Variants in SUPT3H observed in about 807,000 individuals in gnomAD.
SUPT3H encodes the protein transcription initiation protein SPT3 homolog.
Under a neutral mutation model 44.3 loss-of-function variants are expected in SUPT3H, and 44 were observed. That is an observed-to-expected ratio of 0.99 (90% CI 0.78 to 1.28). SUPT3H has a LOEUF of 1.28. SUPT3H is among the 50% of genes most tolerant of loss of function. SUPT3H has a pLI of 0.00. For synonymous variants in SUPT3H, 124 were observed against 125.6 expected (o/e 0.99, Z 0.09); for missense variants, 380 against 387.1 (o/e 0.98, Z 0.15).
chr6:45,250,297 C>T (rs1041273079), intron 2 of SUPT3H, among the ~76,000 whole-genome samples: 10 of 150,926 alleles, frequency 6.6e-5, no homozygotes, highest in African/African-American at 1.9e-4. Flanking sequence ...CAGAATCTTA[C>T]ATCTATGAAA....
At position 45,281,305 on chromosome 6, in the gene SUPT3H, C is replaced by T. The variant is rs1330181739; in HGVS notation, c.101+83896G>A. ...AAGTAGGGCAAGGCATCGCATCACCCGCGAAGCGCAAGGGGTCAGGGAATT... is the reference window on the plus strand; with the variant it reads ...AAGTAGGGCAAGGCATCGCATCACCTGCGAAGCGCAAGGGGTCAGGGAATT... On this transcript the variant is annotated intron_variant, in intron 2 of 10. Coordinates refer to ENST00000371459, the MANE Select transcript of SUPT3H (RefSeq NM_003599.4). Among the ~76,000 whole-genome samples, 3 of 152,210 alleles carry T rather than the reference C, an allele frequency of 2.0e-5. No individual in the cohort carries two copies. The East Asian group carries it at 5.8e-4, about 29-fold the overall frequency.
At chr6:44,921,779 C>A (rs571352531) in intron 10 of SUPT3H, among the ~76,000 whole-genome samples, 1 of 152,302 alleles carries the variant, frequency 6.6e-6, no homozygotes, top group Admixed American at 6.5e-5. Context: ...AAAATCTACA[C>A]AAGTGTTTGA....
intron 2 of SUPT3H, among the ~76,000 whole-genome samples, chr6:45,178,457 T>A (rs3114741): frequency 4.0e-5 from 6 of 151,476 alleles, no homozygotes; most frequent in Non-Finnish European, 5.9e-5. Flanking sequence ...CTCCCACACA[T>A]TAATAATGGG....
chr6:45,156,173 G>T (rs540668737), intron 2 of SUPT3H, among the ~76,000 whole-genome samples: 20 of 152,242 alleles, frequency 1.3e-4, no homozygotes, highest in Admixed American at 6.5e-5. Context: ...AACATTTTAA[G>T]CATGAGCATA....
At chr6:45,275,277 T>C (rs2153663677) in intron 2 of SUPT3H, among the ~76,000 whole-genome samples, 1 of 152,322 alleles carries the variant, frequency 6.6e-6, no homozygotes, top group East Asian at 1.9e-4. Context: ...TCTGCTTACT[T>C]GTTTCATGAC....
chr6:44,824,433 G>A, downstream of SUPT3H, among the ~76,000 whole-genome samples: 1 of 152,228 alleles, frequency 6.6e-6, no homozygotes, highest in East Asian at 1.9e-4. Context: ...GCTGAGGTGG[G>A]AGGACTGCTT....
At chr6:45,176,083 G>A (rs958951142) in intron 2 of SUPT3H, among the ~76,000 whole-genome samples, 11 of 152,120 alleles carry the variant, frequency 7.2e-5, no homozygotes, top group Admixed American at 3.3e-4. Context: ...CAAGATGGCC[G>A]AATAGGAACA....
At chr6:45,162,231 G>A (rs1437814038) in intron 2 of SUPT3H, among the ~76,000 whole-genome samples, 1 of 151,920 alleles carries the variant, frequency 6.6e-6, no homozygotes, top group South Asian at 2.1e-4. Context: ...AAAAAAAGAA[G>A]AAGAAGAAGA....
At chr6:44,837,561 C>T (rs1016348546) in intron 10 of SUPT3H, among the ~76,000 whole-genome samples, 2 of 152,154 alleles carry the variant, frequency 1.3e-5, no homozygotes, top group Non-Finnish European at 2.9e-5. Flanking sequence ...ACCTTGATAG[C>T]CCAACCACTA....
chr6:45,055,824 G>A (rs566837195), intron 3 of SUPT3H, among the ~76,000 whole-genome samples: 2 of 152,202 alleles, frequency 1.3e-5, no homozygotes, highest in South Asian at 4.2e-4. Flanking sequence ...GTAAATAGAT[G>A]GGACTTAATT....
At chr6:45,186,299 G>GA (rs879581738) in intron 2 of SUPT3H, among the ~76,000 whole-genome samples, 6 of 151,822 alleles carry the variant, frequency 4.0e-5, no homozygotes, top group Admixed American at 6.6e-5. Context: ...TAATATGAAT[G>GA]AAAAAAACAA....
chr6:45,063,271 T>C (rs1792517168), intron 3 of SUPT3H, among the ~76,000 whole-genome samples: 1 of 146,372 alleles, frequency 6.8e-6, no homozygotes, highest in South Asian at 2.2e-4. Context: ...GAAGGAAAAC[T>C]AACAAACAGA....
intron 2 of SUPT3H, among the ~76,000 whole-genome samples, chr6:45,187,550 C>A (rs1814461110): frequency 6.6e-6 from 1 of 152,150 alleles, no homozygotes; most frequent in South Asian, 2.1e-4. Context: ...TTTTCTTATA[C>A]TGGCCTCAGC....
chr6:45,201,298 C>A (rs1762423877), intron 2 of SUPT3H, among the ~76,000 whole-genome samples: 1 of 151,564 alleles, frequency 6.6e-6, no homozygotes, highest in South Asian at 2.1e-4. Flanking sequence ...CTGCAACTTG[C>A]CAACTTAAAA....
chr6:45,099,866 C>T (rs1387707522), intron 3 of SUPT3H, among the ~76,000 whole-genome samples: 1 of 152,100 alleles, frequency 6.6e-6, no homozygotes, highest in African/African-American at 2.4e-5. Flanking sequence ...AATTTAACTT[C>T]GATGTGCAAA....
At chr6:45,283,678 G>A (rs567098651) in intron 2 of SUPT3H, among the ~76,000 whole-genome samples, 23 of 151,866 alleles carry the variant, frequency 1.5e-4, no homozygotes, top group African/African-American at 4.6e-4. Flanking sequence ...ACAGACCAAC[G>A]AGACAGAAAG....
At chr6:44,977,285 G>C (rs961133972) in intron 6 of SUPT3H, among the ~76,000 whole-genome samples, 2 of 152,158 alleles carry the variant, frequency 1.3e-5, no homozygotes, top group Non-Finnish European at 2.9e-5. Context: ...GTAAAGTCAA[G>C]TAAGGAAGAA....
intron 11 of SUPT3H, among the ~76,000 whole-genome samples, chr6:44,813,576 G>GAAAA (rs5875893): frequency 2.7e-4 from 37 of 135,228 alleles, no homozygotes; most frequent in African/African-American, 1.0e-3. Context: ...AAACCAAGAG[G>GAAAA]AAAAAAAAAA....
intron 1 of SUPT3H, among the ~76,000 whole-genome samples, chr6:45,370,109 G>A (rs1795803143): frequency 6.6e-6 from 1 of 152,172 alleles, no homozygotes; most frequent in Non-Finnish European, 1.5e-5. Context: ...CCAGCAGCTG[G>A]GAGAATATAC....
Sources: allele counts gnomAD v4.1 joint callset (sites outside exome capture counted in the v4.1 genomes callset), GRCh38; gene constraint gnomAD v4.1.1; transcripts MANE v1.5; gene names NCBI Gene and HGNC (gene_info 2026-07-23, HGNC 2026-07-21).